Variants in CCDC102B observed in about 807,000 individuals in gnomAD.
CCDC102B encodes coiled-coil domain-containing protein 102B.
In CCDC102B, 75 loss-of-function variants were observed where a neutral mutation model predicts 57.4. That is an observed-to-expected ratio of 1.31 (90% CI 1.08 to 1.58). The LOEUF is 1.58. Among genes scored for constraint, CCDC102B ranks in the 40% most tolerant of loss-of-function variants. The pLI, the probability that CCDC102B is intolerant of heterozygous loss-of-function variation, is 0.00. For missense variants in CCDC102B, 636 were observed against 582.6 expected (o/e 1.09, Z -0.94); for synonymous variants, 206 against 201.9 (o/e 1.02, Z -0.17).
chr18:68,720,626 A>C (rs768804471), intron 2 of CCDC102B, among the ~76,000 whole-genome samples: 1 of 152,194 alleles, frequency 6.6e-6, no homozygotes, highest in Non-Finnish European at 1.5e-5. Flanking sequence ...TGGGAGAGTG[A>C]CTTTGATCCA....
At chr18:68,974,358 C>A (rs1286415674) in intron 6 of CCDC102B, among the ~76,000 whole-genome samples, 1 of 152,042 alleles carries the variant, frequency 6.6e-6, no homozygotes, top group Non-Finnish European at 1.5e-5. Context: ...GTGCCTTGAT[C>A]CTGGACTTCC....
intron 6 of CCDC102B, among the ~76,000 whole-genome samples, chr18:69,010,712 AAAC>A (rs1243395771): frequency 6.6e-6 from 1 of 152,198 alleles, no homozygotes; most frequent in African/African-American, 2.4e-5. Flanking sequence ...ATCATTTACA[AAAC>A]AACGTAAAGA....
intron 2 of CCDC102B, among the ~76,000 whole-genome samples, chr18:68,784,704 T>C (rs2035129499): frequency 6.6e-6 from 1 of 152,198 alleles, no homozygotes; most frequent in Non-Finnish European, 1.5e-5. Context: ...TCCCAAAATC[T>C]CCTTCAGTAA....
intron 2 of CCDC102B, among the ~76,000 whole-genome samples, chr18:68,779,164 A>C (rs1463047437): frequency 6.6e-6 from 1 of 152,080 alleles, no homozygotes; most frequent in South Asian, 2.1e-4. Context: ...AAAAATGCCC[A>C]AAATTTACTC....
intron 2 of CCDC102B, among the ~76,000 whole-genome samples, chr18:68,731,573 C>T (rs1041868201): frequency 1.3e-5 from 2 of 151,676 alleles, no homozygotes; most frequent in African/African-American, 4.8e-5. Flanking sequence ...GTTCCATTGC[C>T]TCAAGGTCAT....
intron 2 of CCDC102B, among the ~76,000 whole-genome samples, chr18:68,778,561 C>A (rs1222739791): frequency 6.6e-6 from 1 of 151,978 alleles, no homozygotes; most frequent in Non-Finnish European, 1.5e-5. Context: ...AGTGAACAAA[C>A]AAAGACTAAG....
At chr18:68,864,153 T>A (rs1213199689) in intron 4 of CCDC102B, among the ~76,000 whole-genome samples, 1 of 152,068 alleles carries the variant, frequency 6.6e-6, no homozygotes, top group Non-Finnish European at 1.5e-5. Flanking sequence ...AAACCCTTTT[T>A]AATCTATCTT....
intron 1 of CCDC102B, among the ~76,000 whole-genome samples, chr18:68,824,328 G>C (rs2036819846): frequency 6.6e-6 from 1 of 152,196 alleles, no homozygotes; most frequent in Admixed American, 6.5e-5. Flanking sequence ...CCCATTGCTT[G>C]TTTTTGTTGG....
intron 1 of CCDC102B, among the ~76,000 whole-genome samples, chr18:68,806,214 T>G (rs1235727516): frequency 3.3e-5 from 5 of 152,166 alleles, no homozygotes; most frequent in Non-Finnish European, 7.4e-5. Context: ...TAATAATTAT[T>G]TTTTCCCATG....
intron 2 of CCDC102B, among the ~76,000 whole-genome samples, chr18:68,723,585 C>T (rs144330898): frequency 5.4e-4 from 82 of 152,274 alleles, no homozygotes; most frequent in African/African-American, 1.8e-3. Flanking sequence ...CATGCAAGTC[C>T]GAAATCCAAC....
At position 69,054,228 on chromosome 18, in the gene CCDC102B, A is replaced by G. The variant is rs2052776724; in HGVS notation, c.*91A>G. ...AATATCAGTAAAATTGTTTTTATTAACTAGAAATATTAATGAAAAAAACGT... is the reference window on the plus strand; with the variant it reads ...AATATCAGTAAAATTGTTTTTATTAGCTAGAAATATTAATGAAAAAAACGT... On this transcript the variant is annotated 3_prime_UTR_variant, in exon 8 of 8. Transcript: ENST00000360242. 14 of 1,399,004 alleles carry G rather than the reference A, an allele frequency of 1.0e-5. No homozygotes were observed. The South Asian group carries it at 2.4e-4, about 24-fold the overall frequency. The allele number at this position is 1,399,004 out of a possible 1,614,324, so 86.7% of individuals were successfully genotyped here.
At chr18:68,878,905 G>A (rs550864114) in intron 5 of CCDC102B, among the ~76,000 whole-genome samples, 165 of 152,284 alleles carry the variant, frequency 1.1e-3, no homozygotes, top group African/African-American at 3.9e-3. Flanking sequence ...GGACCCTCGT[G>A]GTGAGTGTTA....
intron 7 of CCDC102B, among the ~76,000 whole-genome samples, chr18:69,038,594 T>A (rs1345939105): frequency 6.6e-6 from 1 of 151,922 alleles, no homozygotes; most frequent in Non-Finnish European, 1.5e-5. Flanking sequence ...CCATAAGGGA[T>A]CCTTCCTGCC....
intron 2 of CCDC102B, among the ~76,000 whole-genome samples, chr18:68,737,860 G>T (rs2033214896): frequency 6.6e-6 from 1 of 151,994 alleles, no homozygotes; most frequent in South Asian, 2.1e-4. Context: ...GTTCCTCTTG[G>T]TGGAAGTGAT....
At chr18:69,034,528 T>C (rs1006592357) in intron 7 of CCDC102B, among the ~76,000 whole-genome samples, 9 of 152,056 alleles carry the variant, frequency 5.9e-5, no homozygotes, top group African/African-American at 2.2e-4. Flanking sequence ...AATGTCAGAT[T>C]TTCTTTTTGA....
chr18:68,904,884 A>G (rs1448083111), intron 6 of CCDC102B, among the ~76,000 whole-genome samples: 1 of 152,168 alleles, frequency 6.6e-6, no homozygotes, highest in Non-Finnish European at 1.5e-5. Flanking sequence ...ATTCTCTTAT[A>G]CTATTCACTG....
At chr18:68,806,236 G>T (rs1409501983) in intron 1 of CCDC102B, among the ~76,000 whole-genome samples, 1 of 151,998 alleles carries the variant, frequency 6.6e-6, no homozygotes, top group Non-Finnish European at 1.5e-5. Flanking sequence ...TGTCTAAACA[G>T]CTTTAAATAT....
chr18:68,922,728 C>T (rs2145113802), intron 6 of CCDC102B, among the ~76,000 whole-genome samples: 1 of 152,050 alleles, frequency 6.6e-6, no homozygotes, highest in Admixed American at 6.6e-5. Context: ...TTTTATAAAC[C>T]CATTCCTCAC....
intron 6 of CCDC102B, among the ~76,000 whole-genome samples, chr18:68,932,363 G>A (rs1034786839): frequency 6.6e-6 from 1 of 151,682 alleles, no homozygotes; most frequent in African/African-American, 2.4e-5. Flanking sequence ...ACTATTATTT[G>A]TATAGATATA....
Sources: gnomAD v4.1 joint callset for allele counts (sites outside exome capture counted in the v4.1 genomes callset) on GRCh38, gnomAD v4.1.1 for gene constraint, MANE v1.5 for transcripts, NCBI Gene and HGNC (gene_info 2026-07-23, HGNC 2026-07-21) for gene names.